Variants in MAJIN observed in about 807,000 individuals in gnomAD.
MAJIN encodes the protein membrane anchored junction protein.
Under a neutral mutation model 30.2 loss-of-function variants are expected in MAJIN, and 27 were observed. The observed-to-expected ratio is 0.89, with a 90% CI of 0.66 to 1.23. The LOEUF (loss-of-function observed/expected upper bound fraction) is 1.23, where lower values mean the gene tolerates loss of function less well. Among genes scored for constraint, MAJIN ranks in the 50% most tolerant of loss-of-function variants. The probability of loss-of-function intolerance (pLI) is 0.00; values close to 1 mark genes in which losing one functional copy is unlikely to be tolerated. For missense variants in MAJIN, 253 were observed against 260.3 expected, an observed-to-expected ratio of 0.97 and a Z score of 0.19; for synonymous variants, 78 against 91.6, an observed-to-expected ratio of 0.85 and a Z score of 0.85.
intron 6 of MAJIN, among the ~76,000 whole-genome samples, 191 bp from the exon 7 acceptor site, chr11:64,948,010 C>A (rs971067450): frequency 6.6e-6 from 1 of 151,906 alleles, no homozygotes; most frequent in African/African-American, 2.4e-5. Flanking sequence ...CAGGCACATG[C>A]CACCACACCT....
At chr11:64,950,975 C>T (rs1379479309) in intron 4 of MAJIN, among the ~76,000 whole-genome samples, 1 of 152,178 alleles carries the variant, frequency 6.6e-6, no homozygotes, top group African/African-American at 2.4e-5. Context: ...TCCGACCTAT[C>T]CTTTCAGGCA....
chr11:64,947,674 T>G (rs1945471919), intron 7 of MAJIN, 114 bp downstream of exon 7: 1 of 1,201,484 alleles, frequency 8.3e-7, no homozygotes, highest in South Asian at 1.2e-5. Context: ...CAATTCTGAC[T>G]GGACCTGGGC....
At chr11:64,951,952 A>T (rs1335860436) in intron 4 of MAJIN, among the ~76,000 whole-genome samples, 1 of 152,012 alleles carries the variant, frequency 6.6e-6, no homozygotes, top group East Asian at 1.9e-4. Context: ...GCAGCCGCAC[A>T]ATCTTGGCTC....
chr11:64,955,716 C>G (rs1348289005), intron 3 of MAJIN, among the ~76,000 whole-genome samples: 1 of 152,196 alleles, frequency 6.6e-6, no homozygotes, highest in Non-Finnish European at 1.5e-5. Flanking sequence ...TTGAGTTTGA[C>G]AGTTTCCAAA....
In MAJIN at chr11:64,954,793, C is replaced by A. The variant is rs1414452146; in HGVS notation, c.111G>T (p.Glu37Asp). ...GGGTGATGACTTCCTTATTTTCTAT[C>A]TCTTCTCCTCTAGAAGGTAAACAGA... ...IRYGKSIRGE[E>D]IENKEVITQE... The change falls in exon 4 of 11, where the codon GAG becomes GAT. Residue 37 changes from glutamate to aspartate, a missense_variant. Physicochemically the swap from Glu to Asp is conservative, Grantham distance 45 (BLOSUM62 2). Transcript: ENST00000301896. 2 of 1,611,820 alleles carry A rather than the reference C, an allele frequency of 1.2e-6. No individual in the cohort carries two copies. Among genetic ancestry groups the A allele is most frequent in the East Asian group, 2.2e-5 (1 of 44,868 alleles).
intron 6 of MAJIN, among the ~76,000 whole-genome samples, chr11:64,949,288 C>T (rs1945511749): frequency 6.6e-6 from 1 of 151,920 alleles, no homozygotes; most frequent in Non-Finnish European, 1.5e-5. Context: ...TATGATCACA[C>T]CACTGTACTC....
At chr11:64,950,158 C>T (rs1052589271) in intron 5 of MAJIN, among the ~76,000 whole-genome samples, 197 bp downstream of exon 5, 2 of 151,908 alleles carry the variant, frequency 1.3e-5, no homozygotes, top group African/African-American at 4.8e-5. Context: ...GGTGAAATAG[C>T]GCCTCTACTA....
At chr11:64,963,153 T>C (rs1945754197) in intron 1 of MAJIN, among the ~76,000 whole-genome samples, 1 of 151,806 alleles carries the variant, frequency 6.6e-6, no homozygotes, top group Non-Finnish European at 1.5e-5. Context: ...AAAAGCAAAT[T>C]CAAGAGAGCA....
At chr11:64,966,944 A>AG (rs897119235) in intron 1 of MAJIN, among the ~76,000 whole-genome samples, 7 of 151,558 alleles carry the variant, frequency 4.6e-5, no homozygotes, top group Admixed American at 6.6e-5. Context: ...AAAAAAAAAA[A>AG]AAAGAAAGAA....
intron 6 of MAJIN, among the ~76,000 whole-genome samples, chr11:64,949,192 T>C (rs1380345902): frequency 6.8e-6 from 1 of 146,940 alleles, no homozygotes; most frequent in Non-Finnish European, 1.5e-5. Flanking sequence ...TAGCCGGGGA[T>C]GGTCGCACAC....
chr11:64,971,584 C>T (rs1945906871), intron 1 of MAJIN, among the ~76,000 whole-genome samples: 3 of 152,000 alleles, frequency 2.0e-5, no homozygotes, highest in African/African-American at 7.2e-5. Context: ...GGTCACTCGC[C>T]CGAAGGAGGG....
At chr11:64,964,049 T>C (rs1945768528) in intron 1 of MAJIN, among the ~76,000 whole-genome samples, 2 of 152,294 alleles carry the variant, frequency 1.3e-5, no homozygotes, top group South Asian at 4.1e-4. Context: ...GTTCAAGTGA[T>C]TCTCCTGTCT....
At chr11:64,959,186 T>G (rs1438697096) in intron 3 of MAJIN, 119 bp downstream of exon 3, 106 of 680,392 alleles carry the variant, frequency 1.6e-4, no homozygotes, top group Non-Finnish European at 1.0e-5. Context: ...AAGACAGTCC[T>G]GCAAGATGCT....
intron 4 of MAJIN, 46 bp downstream of exon 4, chr11:64,954,711 T>A (rs1169716083): frequency 1.3e-6 from 2 of 1,581,592 alleles, no homozygotes; most frequent in South Asian, 1.1e-5. Flanking sequence ...TGTGGATGCA[T>A]CCTTAAAGAG....
At chr11:64,950,562 C>T in intron 4 of MAJIN, 132 bp from the exon 5 acceptor site, 1 of 736,472 alleles carries the variant, frequency 1.4e-6, no homozygotes. Flanking sequence ...AACACGTGTT[C>T]TGATTCTCCA....
At chr11:64,969,466 A>C (rs920907233) in intron 1 of MAJIN, among the ~76,000 whole-genome samples, 1 of 150,612 alleles carries the variant, frequency 6.6e-6, no homozygotes, top group Non-Finnish European at 1.5e-5. Flanking sequence ...AAAAAAAAAA[A>C]ACGACATGAC....
At chr11:64,949,161 T>TAA (rs562375029) in intron 6 of MAJIN, among the ~76,000 whole-genome samples, 27 of 111,784 alleles carry the variant, frequency 2.4e-4, no homozygotes, top group African/African-American at 5.9e-4. Flanking sequence ...CTGTCTCTAC[T>TAA]AAAAAAAAAA....
chr11:64,948,385 C>T (rs1313963964), intron 6 of MAJIN, among the ~76,000 whole-genome samples: 2 of 151,570 alleles, frequency 1.3e-5, no homozygotes, highest in African/African-American at 4.8e-5. Flanking sequence ...CTACCTGTGA[C>T]AAATGAAAAG....
At chr11:64,971,630 G>C (rs1945907932) in intron 1 of MAJIN, among the ~76,000 whole-genome samples, 1 of 151,982 alleles carries the variant, frequency 6.6e-6, no homozygotes, top group African/African-American at 2.4e-5. Flanking sequence ...TACCTCGCAC[G>C]CTCCCGGCCT....
Sources: allele counts gnomAD v4.1 joint callset (sites outside exome capture counted in the v4.1 genomes callset), GRCh38; gene constraint gnomAD v4.1.1; transcripts MANE v1.5; gene names NCBI Gene and HGNC (gene_info 2026-07-23, HGNC 2026-07-21).